Variants in UNC5C observed in about 807,000 individuals in gnomAD.
UNC5C encodes the protein unc-5 netrin receptor C, also known as netrin receptor UNC5C.
UNC5C carries 47 observed loss-of-function variants against 99.8 expected under a neutral mutation model. The ratio of observed to expected loss-of-function variants is 0.47; its 90% confidence interval spans 0.37 to 0.60. The LOEUF is 0.60. Ranked by LOEUF, UNC5C falls within the 20% of genes least tolerant of loss-of-function variation. The pLI is 0.00. For synonymous variants in UNC5C, 487 were observed against 452.2 expected, an observed-to-expected ratio of 1.08 and a Z score of -0.98; for missense variants, 1,062 against 1,165.9, an observed-to-expected ratio of 0.91 and a Z score of 1.30.
intron 5 of UNC5C, among the ~76,000 whole-genome samples, chr4:95,250,141 C>G (rs949429179): frequency 1.3e-5 from 2 of 152,134 alleles, no homozygotes; most frequent in Middle Eastern, 3.2e-3. Context: ...CTGAGCCTAT[C>G]CTTTCATATC....
intron 1 of UNC5C, among the ~76,000 whole-genome samples, chr4:95,545,913 A>G (rs1723048279): frequency 6.6e-6 from 1 of 152,202 alleles, no homozygotes; most frequent in Non-Finnish European, 1.5e-5. Context: ...GAAAGGAGAA[A>G]GTTGTTGCCT....
intron 1 of UNC5C, among the ~76,000 whole-genome samples, chr4:95,463,061 C>T (rs1436383467): frequency 6.6e-6 from 1 of 152,140 alleles, no homozygotes; most frequent in Non-Finnish European, 1.5e-5. Context: ...AGCTGCCGCC[C>T]TCAAACATGC....
chr4:95,544,763 C>T (rs888748599), intron 1 of UNC5C, among the ~76,000 whole-genome samples: 5 of 152,124 alleles, frequency 3.3e-5, no homozygotes, highest in African/African-American at 7.2e-5. Flanking sequence ...ATATAAAAGT[C>T]AAACTAAAAA....
In UNC5C at chr4:95,224,355, C is replaced by T. The variant is rs115182062; in HGVS notation, c.1109-4179G>A. Among the ~76,000 whole-genome samples, 926 of 152,304 alleles carry T rather than the reference C, an allele frequency of 6.1e-3. 12 individuals are homozygous for T. Among genetic ancestry groups the T allele is most frequent in the African/African-American group, 0.021 (880 of 41,572 alleles). On this transcript the variant is annotated intron_variant, in intron 7 of 15. Transcript: ENST00000453304. ...AGAGCTGCGTCTTGCAAAAGGAAAG[C>T]CTATCTCCAGCTAGGTATCACGTGG...
chr4:95,259,660 TTTAA>T (rs1740147073), intron 4 of UNC5C, among the ~76,000 whole-genome samples: 1 of 152,182 alleles, frequency 6.6e-6, no homozygotes, highest in African/African-American at 2.4e-5. Context: ...GTATTAACAT[TTTAA>T]TTAATCTTCA....
In UNC5C at chr4:95,164,579, T is replaced by A. The variant is rs1372820617; in HGVS notation, c.*4655A>T. On this transcript the variant is annotated 3_prime_UTR_variant, in exon 16 of 16. Transcript: ENST00000453304. ...ATGAGGCACTCGAGAGGTAAAAAAATGTTTTGTTAACTTGAGATAATAAAA... is the reference window on the plus strand; with the variant it reads ...ATGAGGCACTCGAGAGGTAAAAAAAAGTTTTGTTAACTTGAGATAATAAAA... 1 of 152,186 alleles carries A rather than the reference T, an allele frequency of 6.6e-6. No homozygotes were observed. The allele number at this position is 152,186 out of a possible 1,614,324, so 9.4% of individuals were successfully genotyped here.
chr4:95,333,083 G>C (rs1002079747), intron 2 of UNC5C, among the ~76,000 whole-genome samples: 4 of 152,176 alleles, frequency 2.6e-5, no homozygotes, highest in African/African-American at 7.2e-5. Flanking sequence ...AGGTGCTAGA[G>C]AGGGTGTGGA....
At chr4:95,204,899 T>G (rs992385842) in intron 11 of UNC5C, among the ~76,000 whole-genome samples, 2 of 152,242 alleles carry the variant, frequency 1.3e-5, no homozygotes, top group Non-Finnish European at 2.9e-5. Flanking sequence ...GAGCTGTGTT[T>G]TAATAGCATC....
chr4:95,285,620 C>T (rs1741203208), intron 3 of UNC5C, among the ~76,000 whole-genome samples: 1 of 152,148 alleles, frequency 6.6e-6, no homozygotes, highest in South Asian at 2.1e-4. Context: ...CCTTATTGTT[C>T]TTATGGAATT....
intron 1 of UNC5C, among the ~76,000 whole-genome samples, chr4:95,445,501 G>A (rs78648201): frequency 0.012 from 1,789 of 152,158 alleles, 31 homozygotes; most frequent in African/African-American, 0.041. Flanking sequence ...CCCTGTGATA[G>A]AATCAGTAAC....
chr4:95,428,075 GT>G lies in UNC5C; in HGVS notation c.125-92445del, dbSNP rs1036283067. ...ATTCCTTTAAAGGGCTTAGGGTTTT[GT>G]TTTTTTTTTTTCCAGAGTTTTCAGT... On this transcript the variant is annotated intron_variant, in intron 1 of 15. Coordinates refer to ENST00000453304, the MANE Select transcript of UNC5C (RefSeq NM_003728.4). 2.4e-3 allele frequency among the ~76,000 whole-genome samples: 342 copies of G among 141,528 alleles called. 1 individual carries two copies. Among genetic ancestry groups the G allele is most frequent in the African/African-American group, 6.9e-3 (269 of 38,874 alleles). The allele number at this position is 141,528 out of a possible 152,430, so 92.8% of individuals were successfully genotyped here. A position where few individuals can be genotyped will look rare whatever the true frequency, so the allele number is the denominator to read the frequency against.
intron 4 of UNC5C, among the ~76,000 whole-genome samples, chr4:95,256,699 A>ATATATATATATATATATATATAT (rs1553958327): frequency 2.2e-5 from 2 of 90,664 alleles, no homozygotes; most frequent in African/African-American, 7.2e-5. Flanking sequence ...GAACTAAATA[A>ATATATATATATATATATATATAT]ATATATATAT....
intron 1 of UNC5C, among the ~76,000 whole-genome samples, chr4:95,519,536 TA>T (rs35238314): frequency 0.082 from 11,776 of 144,490 alleles, 493 homozygotes; most frequent in Non-Finnish European, 0.1. Context: ...TTAGCACATT[TA>T]AAAAAAAAAA....
In UNC5C at chr4:95,548,742, G is replaced by C. The variant is rs1289668510; in HGVS notation, c.116C>G (p.Ala39Gly). The C allele has an allele frequency of 6.2e-7, 1 of 1,612,720 alleles. No individual in the cohort carries two copies. Among genetic ancestry groups the C allele is most frequent in the Admixed American group, 1.7e-5 (1 of 59,998 alleles). ...ALLSASGTGS[A>G]AQDDDFFHEL... ...TTGGCGGACCCCCTTACCTTGGGCG[G>C]CGGAGCCAGTGCCGCTGGCGCTGAG... Residue 39 changes from alanine to glycine, a missense_variant, in exon 1 of 16, where the codon GCC becomes GGC. Transcript: ENST00000453304.
intron 1 of UNC5C, among the ~76,000 whole-genome samples, chr4:95,540,646 C>T (rs546896574): frequency 7.2e-5 from 11 of 152,266 alleles, no homozygotes; most frequent in African/African-American, 2.2e-4. Context: ...TGAGCACTTC[C>T]ACTGGGCGGC....
In UNC5C at chr4:95,165,587, A is replaced by G. The variant is rs980571314; in HGVS notation, c.*3647T>C. 30 of 152,246 alleles carry G rather than the reference A, an allele frequency of 2.0e-4. No individual in the cohort carries two copies. The highest frequency in any genetic ancestry group is 7.2e-4 in the African/African-American group (30 of 41,542). 9.4% of individuals were successfully genotyped at this position (152,246 alleles called of 1,614,324 possible). On this transcript the variant is annotated 3_prime_UTR_variant, in exon 16 of 16. Transcript: ENST00000453304. ...AACTTGAAAGAGTGTGATAAGAAGAAAATAAAAACAGGATGAAACCTCTGC... is the reference window on the plus strand; with the variant it reads ...AACTTGAAAGAGTGTGATAAGAAGAGAATAAAAACAGGATGAAACCTCTGC...
intron 3 of UNC5C, 37 bp downstream of exon 3, chr4:95,301,569 T>C (rs1741879094): frequency 6.2e-7 from 1 of 1,612,706 alleles, no homozygotes; most frequent in Admixed American, 1.7e-5. Flanking sequence ...GTGTATCAAC[T>C]TCTGAGACCC....
chr4:95,177,716 G>T (rs1736426849), intron 14 of UNC5C, among the ~76,000 whole-genome samples: 1 of 152,054 alleles, frequency 6.6e-6, no homozygotes, highest in African/African-American at 2.4e-5. Context: ...CATGTGGTAG[G>T]AGGGGCATTT....
At chr4:95,411,696 C>G (rs1438519068) in intron 1 of UNC5C, among the ~76,000 whole-genome samples, 1 of 152,168 alleles carries the variant, frequency 6.6e-6, no homozygotes, top group Admixed American at 6.5e-5. Flanking sequence ...ATCGCAATCT[C>G]TTTTCTTTGT....
Sources: gnomAD v4.1 joint callset for allele counts (sites outside exome capture counted in the v4.1 genomes callset) on GRCh38, gnomAD v4.1.1 for gene constraint, MANE v1.5 for transcripts, NCBI Gene and HGNC (gene_info 2026-07-23, HGNC 2026-07-21) for gene names.